PRR5L: variants seen among roughly 807,000 people sequenced by gnomAD.
The protein encoded by PRR5L is proline rich 5 like, also known as proline-rich protein 5-like.
A neutral mutation model predicts 36.4 loss-of-function variants in PRR5L; 21 were observed. The observed-to-expected ratio is 0.58, with a 90% CI of 0.41 to 0.83. The LOEUF (loss-of-function observed/expected upper bound fraction) is 0.83, where lower values mean the gene tolerates loss of function less well. PRR5L is among the 40% of genes least tolerant of loss of function. The pLI is 0.00. For synonymous variants in PRR5L, 188 were observed against 197.0 expected (o/e 0.95, Z 0.38); for missense variants, 381 against 473.3 (o/e 0.80, Z 1.81).
At chr11:36,457,341 T>G (rs959749293) in intron 8 of PRR5L, among the ~76,000 whole-genome samples, 1 of 152,128 alleles carries the variant, frequency 6.6e-6, no homozygotes, top group Non-Finnish European at 1.5e-5. Flanking sequence ...GCACAGTGGC[T>G]CATGCCTGTA....
chr11:36,414,415 G>A (rs1301171891), intron 3 of PRR5L, among the ~76,000 whole-genome samples: 1 of 148,996 alleles, frequency 6.7e-6, no homozygotes, highest in African/African-American at 2.5e-5. Context: ...TCTAACTGGT[G>A]TGAGATGGTA....
At chr11:36,403,211 A>G in intron 2 of PRR5L, 87 bp from the exon 3 acceptor site, 1 of 1,105,004 alleles carries the variant, frequency 9.0e-7, no homozygotes, top group Non-Finnish European at 1.4e-6. Context: ...CTTCCTGGTC[A>G]CTCCACACAC....
At chr11:36,462,311 A>AT (rs1859202876) in intron 8 of PRR5L, 31 bp from the exon 9 acceptor site, 2 of 1,488,016 alleles carry the variant, frequency 1.3e-6, no homozygotes, top group Non-Finnish European at 8.9e-7. Context: ...CCCCTCCCCA[A>AT]TAACAGTCTT....
chr11:36,396,982 G>A (rs6484841), intron 1 of PRR5L, among the ~76,000 whole-genome samples: 2,172 of 152,220 alleles, frequency 0.014, 51 homozygotes, highest in African/African-American at 0.049. Flanking sequence ...GCTGGAGAAT[G>A]AGGCACCAGT....
chr11:36,443,700 C>A (rs1180764608), intron 6 of PRR5L, among the ~76,000 whole-genome samples: 1 of 152,204 alleles, frequency 6.6e-6, no homozygotes, highest in African/African-American at 2.4e-5. Context: ...GTGTTGGAAT[C>A]ACAGCAGATA....
intron 1 of PRR5L, among the ~76,000 whole-genome samples, chr11:36,357,916 T>C (rs1024596641): frequency 6.6e-6 from 1 of 152,240 alleles, no homozygotes; most frequent in African/African-American, 2.4e-5. Flanking sequence ...CTGTCATAGA[T>C]AGTGTCTCCT....
At chr11:36,376,807 C>CGGCGT in intron 1 of PRR5L, 7 of 849,474 alleles carry the variant, frequency 8.2e-6, no homozygotes, top group Non-Finnish European at 9.9e-6. Context: ...TGACGGGGCG[C>CGGCGT]GGCGTGGCGG....
intron 7 of PRR5L, among the ~76,000 whole-genome samples, chr11:36,448,093 G>T (rs901717806): frequency 5.3e-5 from 8 of 152,086 alleles, no homozygotes; most frequent in African/African-American, 1.9e-4. Flanking sequence ...AGTCCTGCAG[G>T]TGAAGACTCT....
intron 1 of PRR5L, among the ~76,000 whole-genome samples, chr11:36,324,914 T>C (rs921490467): frequency 6.6e-6 from 1 of 152,198 alleles, no homozygotes; most frequent in Non-Finnish European, 1.5e-5. Flanking sequence ...TTTTGTAATC[T>C]TTCTAAAAAC....
chr11:36,410,579 A>G (rs1196045642), intron 3 of PRR5L, among the ~76,000 whole-genome samples: 1 of 152,200 alleles, frequency 6.6e-6, no homozygotes, highest in Non-Finnish European at 1.5e-5. Context: ...CTGTGTGCAG[A>G]CTGCCGAGCA....
chr11:36,452,293 G>GC, intron 8 of PRR5L, among the ~76,000 whole-genome samples: 1 of 152,264 alleles, frequency 6.6e-6, no homozygotes, highest in African/African-American at 2.4e-5. Context: ...GGAACCTGAT[G>GC]CCCCCTCTTC....
intron 5 of PRR5L, among the ~76,000 whole-genome samples, chr11:36,435,317 C>T (rs1377849944): frequency 6.6e-6 from 1 of 152,080 alleles, no homozygotes; most frequent in Non-Finnish European, 1.5e-5. Flanking sequence ...GCTGGGGAGT[C>T]AGGAATCAGA....
At chr11:36,307,477 C>T (rs1856447491) in intron 1 of PRR5L, among the ~76,000 whole-genome samples, 2 of 152,272 alleles carry the variant, frequency 1.3e-5, no homozygotes, top group Non-Finnish European at 1.5e-5. Flanking sequence ...CAGCAATGTC[C>T]TCAGGGTGCC....
chr11:36,306,902 T>C (rs1856438861), intron 1 of PRR5L, among the ~76,000 whole-genome samples: 1 of 152,166 alleles, frequency 6.6e-6, no homozygotes, highest in Non-Finnish European at 1.5e-5. Context: ...GTAATAGTTG[T>C]ATAATGTTTA....
At chr11:36,416,688 C>A (rs1858150371) in intron 3 of PRR5L, among the ~76,000 whole-genome samples, 1 of 152,162 alleles carries the variant, frequency 6.6e-6, no homozygotes, top group African/African-American at 2.4e-5. Context: ...CTGATTTCTA[C>A]CTAGACTTTT....
chr11:36,445,015 A>T (rs1224662480), intron 6 of PRR5L, among the ~76,000 whole-genome samples: 1 of 152,226 alleles, frequency 6.6e-6, no homozygotes, highest in African/African-American at 2.4e-5. Context: ...TCATTATAAG[A>T]TAACTTATTT....
chr11:36,360,431 A>C (rs1857075159), intron 1 of PRR5L, among the ~76,000 whole-genome samples: 1 of 152,248 alleles, frequency 6.6e-6, no homozygotes, highest in Non-Finnish European at 1.5e-5. Context: ...AATGGGGACG[A>C]GAGATGTCAG....
chr11:36,367,339 AT>A (rs1324682439), intron 1 of PRR5L, among the ~76,000 whole-genome samples: 1 of 152,226 alleles, frequency 6.6e-6, no homozygotes, highest in African/African-American at 2.4e-5. Context: ...CTTATTTCAA[AT>A]ATGGTATCTA....
intron 5 of PRR5L, among the ~76,000 whole-genome samples, chr11:36,433,870 T>C (rs978058483): frequency 6.6e-6 from 1 of 152,124 alleles, no homozygotes; most frequent in African/African-American, 2.4e-5. Flanking sequence ...GTCAGGCTAG[T>C]ACAAAAATGT....
Sources: allele counts gnomAD v4.1 joint callset (sites outside exome capture counted in the v4.1 genomes callset), GRCh38; gene constraint gnomAD v4.1.1; transcripts MANE v1.5; gene names NCBI Gene and HGNC (gene_info 2026-07-23, HGNC 2026-07-21).